The following STX12 variants were observed in gnomAD, a reference collection of about 807,000 sequenced individuals.
STX12 encodes the protein syntaxin 12.
Under a neutral mutation model 42.2 loss-of-function variants are expected in STX12, and 17 were observed. The observed-to-expected ratio is 0.40, with a 90% CI of 0.28 to 0.60. STX12 has a LOEUF of 0.60. STX12 is among the 20% of genes least tolerant of loss of function. STX12 has a pLI of 0.39. For synonymous variants in STX12, 108 were observed against 116.7 expected, an observed-to-expected ratio of 0.93 and a Z score of 0.48; for missense variants, 297 against 330.9, an observed-to-expected ratio of 0.90 and a Z score of 0.79.
chr1:27,795,454 C>T (rs923750440), intron 3 of STX12, among the ~76,000 whole-genome samples: 2 of 151,952 alleles, frequency 1.3e-5, no homozygotes, highest in African/African-American at 4.8e-5. Context: ...TGCAGGCACC[C>T]ACTACCACGC....
At position 27,819,747 on chromosome 1, in the gene STX12, CA is replaced by C. The variant is rs559915110; in HGVS notation, c.732+18del. On this transcript the variant is annotated intron_variant, in intron 8 of 8. Transcript: ENST00000373943. ...CTTACTATCAGGTAAAAGCGGGTAC[CA>C]AAGAAAGTCACTCTGTGTTGCAGAC... is the stretch of plus-strand genomic sequence containing the variant. 8.5e-5 allele frequency: 137 copies of C among 1,610,812 alleles called. 2 individuals are homozygous for C. The South Asian group carries it at 1.4e-3, about 16-fold the overall frequency.
intron 1 of STX12, among the ~76,000 whole-genome samples, chr1:27,782,104 T>G (rs1377971780): frequency 3.9e-5 from 6 of 152,112 alleles, no homozygotes; most frequent in Non-Finnish European, 8.8e-5. Context: ...AGTGGTTTTT[T>G]GTTTTTTGTT....
chr1:27,797,906 A>G (rs912023889), intron 3 of STX12, among the ~76,000 whole-genome samples: 1 of 151,976 alleles, frequency 6.6e-6, no homozygotes, highest in African/African-American at 2.4e-5. Flanking sequence ...ACACACACAC[A>G]CAGAGTCTAT....
At position 27,800,126 on chromosome 1, in the gene STX12, C is replaced by T. The variant is rs1217184761; in HGVS notation, c.289-1552C>T. ...TCCAATTTTGTATTTTAGCTACTCT[C>T]ATTACTAAACGTGTAGTTCCAACCA... On this transcript the variant is annotated intron_variant, in intron 3 of 8. Transcript: ENST00000373943. Among the ~76,000 whole-genome samples, 3 of 152,230 alleles carry T rather than the reference C, an allele frequency of 2.0e-5. No individual in the cohort carries two copies. The East Asian group carries it at 5.8e-4, about 29-fold the overall frequency.
Position 27,793,515 on chromosome 1 carries a change from A to T in STX12, c.189-18A>T, listed in dbSNP as rs375125048. The T allele has an allele frequency of 6.2e-7, 1 of 1,607,940 alleles. No homozygotes were observed. Among genetic ancestry groups the T allele is most frequent in the Non-Finnish European group, 8.5e-7 (1 of 1,174,490 alleles). On this transcript the variant is annotated intron_variant, in intron 2 of 8. Coordinates refer to ENST00000373943, the MANE Select transcript of STX12 (RefSeq NM_177424.3). ...TCAAGAAGTGACAACATCCTGAAACATATCTTTTCTCTCTTAGGCAACAGT... is the reference window on the plus strand; with the variant it reads ...TCAAGAAGTGACAACATCCTGAAACTTATCTTTTCTCTCTTAGGCAACAGT...
intron 4 of STX12, among the ~76,000 whole-genome samples, chr1:27,807,629 T>C (rs2088872130): frequency 6.6e-6 from 1 of 152,216 alleles, no homozygotes; most frequent in African/African-American, 2.4e-5. Flanking sequence ...GAACAACTAC[T>C]TTGGAAAACA....
rs764479688 is a variant in STX12, at chr1:27,793,677, T to G, written c.288+45T>G. 7.8e-6 allele frequency: 12 copies of G among 1,537,450 alleles called. No individual in the cohort carries two copies. In the East Asian group the frequency reaches 2.7e-4, roughly 35 times the overall value. On this transcript the variant is annotated intron_variant, in intron 3 of 8. Transcript: ENST00000373943. ...TTTATTAATAGGAAAGGACTTTGTG[T>G]TAGTAGAAAGGCAGTGTGTAGAACA...
chr1:27,788,787 G>A (rs1367839574), intron 1 of STX12, among the ~76,000 whole-genome samples: 1 of 152,106 alleles, frequency 6.6e-6, no homozygotes, highest in Non-Finnish European at 1.5e-5. Flanking sequence ...CGAGGCGAGT[G>A]GATCACAAGG....
intron 1 of STX12, among the ~76,000 whole-genome samples, chr1:27,779,334 TTTTTTTTTG>T (rs1156825292): frequency 7.9e-6 from 1 of 126,078 alleles, no homozygotes; most frequent in African/African-American, 5.2e-5. Context: ...TTTGTTTTTG[TTTTTTTTTG>T]TTTTTTTTTG....
intron 3 of STX12, among the ~76,000 whole-genome samples, chr1:27,798,965 A>C (rs1571524942): frequency 6.6e-6 from 1 of 151,964 alleles, no homozygotes; most frequent in Middle Eastern, 3.4e-3. Context: ...AAAAAAAAAA[A>C]AACAAAAACA....
intron 3 of STX12, among the ~76,000 whole-genome samples, chr1:27,799,850 C>G (rs926581235): frequency 6.6e-6 from 1 of 151,994 alleles, no homozygotes; most frequent in African/African-American, 2.4e-5. Flanking sequence ...CCTCCTGGTT[C>G]AAGCAATTCT....
chr1:27,818,829 T>C (rs2088962250), intron 7 of STX12, among the ~76,000 whole-genome samples: 1 of 152,114 alleles, frequency 6.6e-6, no homozygotes, highest in Non-Finnish European at 1.5e-5. Flanking sequence ...GGTTTCTCCA[T>C]GTTGGTCAGG....
chr1:27,797,732 T>G (rs1478649770), intron 3 of STX12, among the ~76,000 whole-genome samples: 1 of 152,190 alleles, frequency 6.6e-6, no homozygotes, highest in Non-Finnish European at 1.5e-5. Flanking sequence ...AAACTTGTCT[T>G]ATACTGAGTT....
chr1:27,820,588 C>T lies in STX12; in HGVS notation c.732+856C>T, dbSNP rs1470488994. On this transcript the variant is annotated intron_variant, in intron 8 of 8. Transcript: ENST00000373943. ...TTTTAGACATGAAGTCCTTGCCCAT[C>T]CTATGTCCTGAATGGTAATCAGTGT... 3.9e-5 allele frequency among the ~76,000 whole-genome samples: 6 copies of T among 152,264 alleles called. 1 individual carries two copies. The South Asian group carries it at 1.2e-3, about 32-fold the overall frequency.
intron 1 of STX12, among the ~76,000 whole-genome samples, chr1:27,777,265 G>A (rs1486856820): frequency 6.6e-6 from 1 of 152,172 alleles, no homozygotes; most frequent in Non-Finnish European, 1.5e-5. Context: ...ATTTGAGTGA[G>A]TAGACATGTG....
chr1:27,776,876 C>T (rs1450318268), intron 1 of STX12, among the ~76,000 whole-genome samples: 1 of 152,202 alleles, frequency 6.6e-6, no homozygotes, highest in Admixed American at 6.5e-5. Flanking sequence ...GTGGTGTGTT[C>T]ATCTCCTCTG....
chr1:27,812,882 T>C (rs1557806910), intron 6 of STX12, among the ~76,000 whole-genome samples: 4 of 152,204 alleles, frequency 2.6e-5, no homozygotes, highest in Admixed American at 2.0e-4. Context: ...CAGACAGATA[T>C]TTTATTGCTC....
intron 1 of STX12, among the ~76,000 whole-genome samples, chr1:27,774,487 TAA>T (rs966260346): frequency 6.6e-6 from 1 of 152,200 alleles, no homozygotes; most frequent in Non-Finnish European, 1.5e-5. Context: ...TTCTATATTT[TAA>T]AGAGTGTCAC....
At chr1:27,822,172 TTACACA>T in intron 8 of STX12, 53 bp from the exon 9 acceptor site, 1 of 1,029,292 alleles carries the variant, frequency 9.7e-7, no homozygotes, top group East Asian at 2.4e-5. Context: ...TCTTAGAGTC[TTACACA>T]TACAAATTTT....
Sources: allele counts gnomAD v4.1 joint callset (sites outside exome capture counted in the v4.1 genomes callset), GRCh38; gene constraint gnomAD v4.1.1; transcripts MANE v1.5; gene names NCBI Gene and HGNC (gene_info 2026-07-23, HGNC 2026-07-21).